PCDH7: variants seen among roughly 807,000 people sequenced by gnomAD.
PCDH7 encodes the protein protocadherin 7.
In PCDH7, 17 loss-of-function variants were observed where a neutral mutation model predicts 58.9. The observed-to-expected ratio is 0.29, with a 90% confidence interval of 0.20 to 0.43. The LOEUF (loss-of-function observed/expected upper bound fraction) is 0.43. PCDH7 is among the 20% of genes least tolerant of loss of function. PCDH7 has a pLI of 1.00. For synonymous variants in PCDH7, 664 were observed against 616.4 expected, an observed-to-expected ratio of 1.08 and a Z score of -1.14; for missense variants, 1,274 against 1,441.0, an observed-to-expected ratio of 0.88 and a Z score of 1.88.
chr4:31,080,574 TAGAGTA>T (rs750410352), intron 3 of PCDH7, among the ~76,000 whole-genome samples: 4 of 152,186 alleles, frequency 2.6e-5, no homozygotes, highest in Non-Finnish European at 4.4e-5. Context: ...TATTGATAAT[TAGAGTA>T]AGATCGTTCT....
intron 1 of PCDH7, among the ~76,000 whole-genome samples, chr4:30,819,978 C>A (rs994144553): frequency 3.9e-5 from 6 of 152,048 alleles, no homozygotes; most frequent in African/African-American, 1.4e-4. Flanking sequence ...TTAATAGAGT[C>A]TTGAATTCTC....
At chr4:30,737,697 G>A (rs556609707), downstream of PCDH7, among the ~76,000 whole-genome samples, 23 of 152,312 alleles carry the variant, frequency 1.5e-4, 1 homozygote, top group South Asian at 3.7e-3. Context: ...ACTGGGTATT[G>A]TGAGAATGAC....
At position 31,036,536 on chromosome 4, in the gene PCDH7, C is replaced by A. The variant is rs754035455; in HGVS notation, c.*7+86321C>A. ...AATGGAAGATCCTATCCCCAAAAGA[C>A]TCTGAAACTAACATTTTTACATACA... On this transcript the variant is annotated intron_variant, in intron 3 of 3. Transcript: ENST00000509759. 7.6e-4 allele frequency among the ~76,000 whole-genome samples: 115 copies of A among 152,092 alleles called. 1 individual carries two copies. The highest frequency in any genetic ancestry group is 1.6e-3 in the Non-Finnish European group (107 of 67,998).
intron 3 of PCDH7, among the ~76,000 whole-genome samples, chr4:31,010,180 A>G (rs1198333447): frequency 6.6e-6 from 1 of 151,976 alleles, no homozygotes; most frequent in Admixed American, 6.6e-5. Flanking sequence ...GGGTTTTGCA[A>G]TTCATGTCTG....
chr4:30,951,537 G>T (rs1251645555), intron 3 of PCDH7, among the ~76,000 whole-genome samples: 1 of 152,062 alleles, frequency 6.6e-6, no homozygotes, highest in Non-Finnish European at 1.5e-5. Context: ...ATGTCCACAG[G>T]TCTTCGCACG....
At chr4:30,852,797 C>A (rs923609391) in intron 1 of PCDH7, among the ~76,000 whole-genome samples, 21 of 135,888 alleles carry the variant, frequency 1.5e-4, no homozygotes, top group Admixed American at 4.7e-4. Context: ...GCTGTCAGAA[C>A]CAGAACTCAA....
At chr4:30,943,812 G>A (rs184025490) in intron 2 of PCDH7, among the ~76,000 whole-genome samples, 1 of 151,622 alleles carries the variant, frequency 6.6e-6, no homozygotes, top group Admixed American at 6.6e-5. Flanking sequence ...TGTGGCCCAG[G>A]GAAGCCAAAA....
intron 3 of PCDH7, among the ~76,000 whole-genome samples, chr4:30,956,229 A>G (rs1333511921): frequency 7.0e-6 from 1 of 142,128 alleles, no homozygotes; most frequent in Non-Finnish European, 1.6e-5. Context: ...CTGCATCTCA[A>G]AAAAAAAAAA....
In PCDH7 at chr4:31,092,204, A is replaced by G. The variant is rs114259399; in HGVS notation, c.*8-50269A>G. Among the ~76,000 whole-genome samples, 999 of 152,138 alleles carry G rather than the reference A, an allele frequency of 6.6e-3. 6 individuals carry two copies. Among genetic ancestry groups the G allele is most frequent in the African/African-American group, 0.017 (694 of 41,548 alleles). On this transcript the variant is annotated intron_variant, in intron 3 of 3. Coordinates refer to the PCDH7 transcript ENST00000509759. ...AATGTACGTATTTCTATCTCTAAGA[A>G]ATGAGATTATTCTCTTCCGTATAAA...
At chr4:30,838,032 C>T (rs1309187397) in intron 1 of PCDH7, among the ~76,000 whole-genome samples, 1 of 151,612 alleles carries the variant, frequency 6.6e-6, no homozygotes, top group Non-Finnish European at 1.5e-5. Flanking sequence ...GAAATATCTT[C>T]TTCATCATGC....
chr4:30,859,314 C>A (rs1234974181), intron 1 of PCDH7, among the ~76,000 whole-genome samples: 2 of 152,100 alleles, frequency 1.3e-5, no homozygotes, highest in Non-Finnish European at 2.9e-5. Context: ...ACACTGACAT[C>A]AGATTAGGTC....
intron 1 of PCDH7, among the ~76,000 whole-genome samples, chr4:30,861,914 G>C (rs1480359651): frequency 6.6e-6 from 1 of 151,878 alleles, no homozygotes; most frequent in African/African-American, 2.4e-5. Flanking sequence ...GGTTCATTTT[G>C]GCCCTCATTA....
intron 3 of PCDH7, among the ~76,000 whole-genome samples, chr4:31,046,796 A>G (rs1283210847): frequency 6.6e-6 from 1 of 152,102 alleles, no homozygotes; most frequent in Non-Finnish European, 1.5e-5. Flanking sequence ...CATCCATCAT[A>G]TTAAAGGTTT....
chr4:30,794,097 A>T (rs1243888450), intron 1 of PCDH7: 1 of 152,136 alleles, frequency 6.6e-6, no homozygotes, highest in African/African-American at 2.4e-5. Context: ...GCTTGTCTTT[A>T]TCATGTGAGA....
intron 1 of PCDH7, chr4:30,786,762 CA>C: frequency 2.0e-6 from 2 of 983,204 alleles, no homozygotes; most frequent in Non-Finnish European, 2.4e-6. Flanking sequence ...CCTCTGGCCA[CA>C]TTGAGGAATC....
At chr4:31,049,528 C>A (rs1282411389) in intron 3 of PCDH7, among the ~76,000 whole-genome samples, 1 of 151,986 alleles carries the variant, frequency 6.6e-6, no homozygotes, top group East Asian at 1.9e-4. Flanking sequence ...GGGCTTAAAT[C>A]GTTGATATTG....
At chr4:30,765,518 C>T (rs911698106) in intron 1 of PCDH7, among the ~76,000 whole-genome samples, 1 of 152,122 alleles carries the variant, frequency 6.6e-6, no homozygotes, top group African/African-American at 2.4e-5. Flanking sequence ...TGATTTTGCA[C>T]TTTCATGGGG....
chr4:31,137,569 G>A (rs2109343673), intron 3 of PCDH7, among the ~76,000 whole-genome samples: 1 of 152,330 alleles, frequency 6.6e-6, no homozygotes, highest in East Asian at 1.9e-4. Context: ...GGATGACAGA[G>A]CGAGACCCTT....
chr4:30,804,089 G>T (rs1251187216), intron 1 of PCDH7, among the ~76,000 whole-genome samples: 1 of 152,172 alleles, frequency 6.6e-6, no homozygotes, highest in Non-Finnish European at 1.5e-5. Context: ...TTGGGTTTAA[G>T]TTTCAACATG....
Sources: gnomAD v4.1 joint callset for allele counts (sites outside exome capture counted in the v4.1 genomes callset) on GRCh38, gnomAD v4.1.1 for gene constraint, MANE v1.5 for transcripts, NCBI Gene and HGNC (gene_info 2026-07-23, HGNC 2026-07-21) for gene names.